The following GRID1 variants were observed in gnomAD, a reference collection of about 807,000 sequenced individuals.
GRID1 encodes the protein glutamate receptor ionotropic, delta-1.
GRID1 carries 28 observed loss-of-function variants against 98.0 expected under a neutral mutation model. The ratio of observed to expected loss-of-function variants is 0.29; its 90% CI spans 0.21 to 0.39. The LOEUF is 0.39. Ranked by LOEUF, GRID1 falls within the 10% of genes least tolerant of loss-of-function variation. GRID1 has a pLI of 1.00. For missense variants in GRID1, 1,111 were observed against 1,340.5 expected (o/e 0.83, Z 2.67); for synonymous variants, 553 against 538.5 (o/e 1.03, Z -0.37).
At chr10:86,280,454 T>C (rs1847340650) in intron 2 of GRID1, among the ~76,000 whole-genome samples, 1 of 151,960 alleles carries the variant, frequency 6.6e-6, no homozygotes, top group Non-Finnish European at 1.5e-5. Context: ...GGCCAGTAGA[T>C]TCAGAATAGC....
At chr10:85,705,657 CAG>C (rs1387837782) in intron 12 of GRID1, among the ~76,000 whole-genome samples, 2 of 152,176 alleles carry the variant, frequency 1.3e-5, no homozygotes, top group African/African-American at 4.8e-5. Context: ...ACAACAAAAA[CAG>C]AGAATTTTAG....
chr10:86,302,741 C>T (rs992257239), intron 2 of GRID1, among the ~76,000 whole-genome samples: 1 of 152,190 alleles, frequency 6.6e-6, no homozygotes, highest in South Asian at 2.1e-4. Flanking sequence ...ACAACTGGCC[C>T]ATGCTATACA....
intron 8 of GRID1, among the ~76,000 whole-genome samples, chr10:85,773,819 G>A (rs376496138): frequency 6.1e-4 from 93 of 152,238 alleles, no homozygotes; most frequent in African/African-American, 2.2e-3. Flanking sequence ...TCAATGAAAT[G>A]AAAGAGGATA....
chr10:86,203,618 G>A (rs1168922230), intron 3 of GRID1, among the ~76,000 whole-genome samples: 1 of 146,422 alleles, frequency 6.8e-6, no homozygotes, highest in Non-Finnish European at 1.5e-5. Context: ...GGCAGGCAAA[G>A]GCAGGAGGTC....
chr10:86,268,400 G>A (rs891179286), intron 2 of GRID1, among the ~76,000 whole-genome samples: 2 of 152,240 alleles, frequency 1.3e-5, no homozygotes, highest in African/African-American at 4.8e-5. Context: ...GGAAGAGGAT[G>A]GCAGGGAGCA....
At chr10:85,709,897 A>G (rs1841563793) in intron 12 of GRID1, among the ~76,000 whole-genome samples, 1 of 152,188 alleles carries the variant, frequency 6.6e-6, no homozygotes, top group South Asian at 2.1e-4. Context: ...ATGTAACCCA[A>G]ATGTCAAATA....
chr10:85,728,579 C>G (rs1386232200), intron 9 of GRID1, among the ~76,000 whole-genome samples: 3 of 152,200 alleles, frequency 2.0e-5, no homozygotes, highest in Non-Finnish European at 4.4e-5. Flanking sequence ...AAGGGTAGGA[C>G]AGAATTCAAA....
intron 5 of GRID1, among the ~76,000 whole-genome samples, chr10:85,897,878 C>A (rs200775907): frequency 3.1e-5 from 2 of 64,626 alleles, no homozygotes; most frequent in Admixed American, 1.4e-4. Context: ...ATCTCCCCAA[C>A]CCCCCACTGT....
At chr10:86,166,695 G>A (rs1444842779) in intron 3 of GRID1, among the ~76,000 whole-genome samples, 1 of 152,160 alleles carries the variant, frequency 6.6e-6, no homozygotes, top group Non-Finnish European at 1.5e-5. Context: ...AATTTAGGTG[G>A]GACCAAATAC....
At chr10:86,180,240 C>G (rs150668460) in intron 3 of GRID1, among the ~76,000 whole-genome samples, 1 of 152,266 alleles carries the variant, frequency 6.6e-6, no homozygotes, top group South Asian at 2.1e-4. Context: ...ATGCCTGGGG[C>G]CCGCAGTGAT....
chr10:86,135,828 G>T (rs886199000), intron 4 of GRID1, among the ~76,000 whole-genome samples: 10 of 152,250 alleles, frequency 6.6e-5, no homozygotes, highest in African/African-American at 2.4e-4. Context: ...TTTGCAAAAT[G>T]TAAAAGATTC....
chr10:86,000,307 A>G (rs978052746), intron 4 of GRID1, among the ~76,000 whole-genome samples: 1 of 152,230 alleles, frequency 6.6e-6, no homozygotes. Context: ...AGACATAAGT[A>G]AATGGAAAGA....
chr10:85,664,391 C>T (rs891099605), intron 12 of GRID1, among the ~76,000 whole-genome samples: 1 of 152,036 alleles, frequency 6.6e-6, no homozygotes, highest in Admixed American at 6.6e-5. Context: ...CCTAGCAGTG[C>T]CTACCTCAAA....
At chr10:85,705,461 A>T (rs1401638962) in intron 12 of GRID1, among the ~76,000 whole-genome samples, 1 of 152,200 alleles carries the variant, frequency 6.6e-6, no homozygotes, top group African/African-American at 2.4e-5. Flanking sequence ...TTGAGGCAAT[A>T]ATTAATAGCT....
At chr10:86,244,650 G>A (rs898211833) in intron 2 of GRID1, among the ~76,000 whole-genome samples, 1 of 152,232 alleles carries the variant, frequency 6.6e-6, no homozygotes, top group Non-Finnish European at 1.5e-5. Flanking sequence ...GAGGCAGCGA[G>A]GCCTGGGCCC....
At chr10:85,637,705 C>T (rs1843065729) in intron 13 of GRID1, among the ~76,000 whole-genome samples, 1 of 152,154 alleles carries the variant, frequency 6.6e-6, no homozygotes, top group Non-Finnish European at 1.5e-5. Context: ...TGCCATTTTG[C>T]TCTCACATTC....
At chr10:86,137,738 C>T (rs927268679) in intron 4 of GRID1, among the ~76,000 whole-genome samples, 2 of 152,146 alleles carry the variant, frequency 1.3e-5, no homozygotes, top group African/African-American at 2.4e-5. Flanking sequence ...GGCGGACCAC[C>T]GGCGTGATTC....
chr10:86,186,071 A>C (rs1845721916), intron 3 of GRID1, among the ~76,000 whole-genome samples: 1 of 152,222 alleles, frequency 6.6e-6, no homozygotes, highest in African/African-American at 2.4e-5. Flanking sequence ...TGAGGTTTTT[A>C]AACTAGAAAT....
At chr10:86,145,357 G>A (rs1299817077) in intron 3 of GRID1, among the ~76,000 whole-genome samples, 1 of 152,082 alleles carries the variant, frequency 6.6e-6, no homozygotes, top group African/African-American at 2.4e-5. Context: ...GGAGTAGCTG[G>A]GATTACAGAC....
Sources: gnomAD v4.1 joint callset for allele counts (sites outside exome capture counted in the v4.1 genomes callset) on GRCh38, gnomAD v4.1.1 for gene constraint, MANE v1.5 for transcripts, NCBI Gene and HGNC (gene_info 2026-07-23, HGNC 2026-07-21) for gene names.